The following TLK2 variants were observed in gnomAD, a reference collection of about 807,000 sequenced individuals.
TLK2 encodes the protein tousled like kinase 2.
Under a neutral mutation model 117.3 loss-of-function variants are expected in TLK2, and 6 were observed. The ratio of observed to expected loss-of-function variants is 0.05; its 90% CI spans 0.03 to 0.10. The LOEUF (loss-of-function observed/expected upper bound fraction) is 0.10, where lower values mean the gene tolerates loss of function less well. TLK2 is among the 10% of genes least tolerant of loss of function. The pLI is 1.00. For missense variants in TLK2, 299 were observed against 901.2 expected (o/e 0.33, Z 8.56); for synonymous variants, 257 against 316.7 (o/e 0.81, Z 2.00).
chr17:62,475,429 G>A (rs373875405), upstream of TLK2, among the ~76,000 whole-genome samples: 1 of 152,018 alleles, frequency 6.6e-6, no homozygotes, highest in Non-Finnish European at 1.5e-5. Context: ...TGCAACCTTC[G>A]ACTCCCAGGT....
chr17:62,503,052 C>CTTTTTT (rs535547546), intron 2 of TLK2, among the ~76,000 whole-genome samples: 10 of 87,156 alleles, frequency 1.1e-4, no homozygotes, highest in African/African-American at 1.8e-4. Flanking sequence ...TTTGGCTTAA[C>CTTTTTT]TTTTTTTTTT....
rs544598138 is a variant in TLK2 at position 62,612,436 on chromosome 17, T to C, written c.2124T>C (p.Ile708=). 5.0e-6 allele frequency: 8 copies of C among 1,614,186 alleles called. No homozygotes were observed. In the South Asian group the frequency reaches 8.8e-5, roughly 18 times the overall value. ...RCLAYRKEDR[I]DVQQLACDPY... ...TGGCCTACCGAAAGGAGGACCGCAT[T>C]GATGTCCAGCAGCTGGCCTGTGATC... The change falls in exon 22 of 22, where the codon ATT becomes ATC. Residue 708 remains isoleucine, a synonymous_variant. Transcript: ENST00000346027.
chr17:62,537,433 G>A (rs1213111888), intron 7 of TLK2, among the ~76,000 whole-genome samples: 4 of 152,206 alleles, frequency 2.6e-5, no homozygotes, highest in Admixed American at 1.3e-4. Flanking sequence ...GTGAGCTGAC[G>A]CCACTGTCTG....
At chr17:62,477,245 T>G (rs1598060218), upstream of TLK2, among the ~76,000 whole-genome samples, 1 of 152,196 alleles carries the variant, frequency 6.6e-6, no homozygotes, top group South Asian at 2.1e-4. Flanking sequence ...GAGGCTGGCC[T>G]CGAGTGGTAG....
chr17:62,535,909 A>C (rs2077081351), intron 6 of TLK2, among the ~76,000 whole-genome samples: 1 of 152,208 alleles, frequency 6.6e-6, no homozygotes, highest in African/African-American at 2.4e-5. Flanking sequence ...GAATTCTACA[A>C]AGTAACATGT....
At chr17:62,599,280 C>A (rs1296157754) in intron 17 of TLK2, among the ~76,000 whole-genome samples, 2 of 152,216 alleles carry the variant, frequency 1.3e-5, no homozygotes, top group African/African-American at 4.8e-5. Context: ...TCTTAAGATA[C>A]ATAAGATATT....
chr17:62,500,233 C>G (rs1463697345), intron 2 of TLK2, among the ~76,000 whole-genome samples: 1 of 151,566 alleles, frequency 6.6e-6, no homozygotes, highest in Non-Finnish European at 1.5e-5. Context: ...CCACACCTGG[C>G]TAATTGTATC....
At position 62,600,632 on chromosome 17, in the gene TLK2, T is replaced by C. The variant is rs2082809512; in HGVS notation, c.1551-19T>C. On this transcript the variant is annotated intron_variant, in intron 17 of 21. Coordinates refer to ENST00000346027, the MANE Select transcript of TLK2 (RefSeq NM_006852.6). ...CTTGCTCTTATTCCATGGTTAAATA[T>C]TGGTTTATTTGTCTTTAGGTTTTGT... 1 of 1,580,028 alleles carries C rather than the reference T, an allele frequency of 6.3e-7. No individual in the cohort carries two copies. Among genetic ancestry groups the C allele is most frequent in the Non-Finnish European group, 8.6e-7 (1 of 1,166,342 alleles).
intron 1 of TLK2, among the ~76,000 whole-genome samples, chr17:62,473,487 A>G (rs1425594075): frequency 4.6e-5 from 7 of 152,214 alleles, no homozygotes; most frequent in Admixed American, 4.6e-4. Context: ...GGGAGTTGAG[A>G]AAAGCTTCAG....
chr17:62,490,972 G>C (rs1342179244), intron 2 of TLK2, among the ~76,000 whole-genome samples: 1 of 152,196 alleles, frequency 6.6e-6, no homozygotes, highest in Admixed American at 6.5e-5. Context: ...CTGGGCTCAA[G>C]TGATTCTCCC....
upstream of TLK2, among the ~76,000 whole-genome samples, chr17:62,477,080 G>C (rs935502655): frequency 1.1e-4 from 16 of 151,786 alleles, no homozygotes; most frequent in African/African-American, 3.9e-4. Flanking sequence ...GACAGAGCGA[G>C]ACTCTGTCTC....
At chr17:62,531,494 C>T (rs1010800350) in intron 6 of TLK2, among the ~76,000 whole-genome samples, 9 of 152,290 alleles carry the variant, frequency 5.9e-5, no homozygotes, top group Non-Finnish European at 8.8e-5. Flanking sequence ...ATAATTCTAG[C>T]ATCTGAAGCT....
At chr17:62,561,060 G>C (rs1023596151) in intron 10 of TLK2, among the ~76,000 whole-genome samples, 7 of 152,082 alleles carry the variant, frequency 4.6e-5, no homozygotes, top group African/African-American at 1.7e-4. Context: ...TCCCACCTAT[G>C]AGTGAGAACA....
At chr17:62,471,888 CTTT>C (rs869092720) in intron 1 of TLK2, among the ~76,000 whole-genome samples, 16 of 37,776 alleles carry the variant, frequency 4.2e-4, no homozygotes, top group Non-Finnish European at 7.0e-4. Context: ...GTAGTATAGT[CTTT>C]TTTTTTTTTT....
In TLK2 at chr17:62,491,142, TA is replaced by T. The variant is rs542490474; in HGVS notation, c.81+9937del. 2.7e-3 allele frequency among the ~76,000 whole-genome samples: 411 copies of T among 152,336 alleles called. 1 individual carries two copies. The highest frequency in any genetic ancestry group is 9.2e-3 in the African/African-American group (381 of 41,576). On this transcript the variant is annotated intron_variant, in intron 2 of 21. Coordinates refer to ENST00000346027, the MANE Select transcript of TLK2 (RefSeq NM_006852.6). Reference sequence around the variant, plus strand: ...CAGTCAATAATATAAAACTAACACTTAGTGTGTGTGAACTCTTGTGTCACTA... The same window carrying T: ...CAGTCAATAATATAAAACTAACACTTGTGTGTGTGAACTCTTGTGTCACTA...
intron 9 of TLK2, among the ~76,000 whole-genome samples, chr17:62,559,551 T>A (rs1413008425): frequency 6.6e-6 from 1 of 151,982 alleles, no homozygotes; most frequent in African/African-American, 2.4e-5. Context: ...CTAATTTTTT[T>A]ATATTTAGTA....
chr17:62,476,617 C>G (rs192600956), upstream of TLK2, among the ~76,000 whole-genome samples: 64 of 123,604 alleles, frequency 5.2e-4, no homozygotes, highest in African/African-American at 1.7e-3. Context: ...ATAAAAAGAT[C>G]CTCTAGCCCA....
intron 6 of TLK2, among the ~76,000 whole-genome samples, chr17:62,527,713 T>C (rs1047049366): frequency 2.8e-4 from 42 of 152,096 alleles, no homozygotes; most frequent in African/African-American, 9.9e-4. Flanking sequence ...AATTTTGTAC[T>C]ATATAATTAG....
intron 2 of TLK2, among the ~76,000 whole-genome samples, chr17:62,491,142 TAGTG>T (rs2073073515): frequency 6.6e-6 from 1 of 152,218 alleles, no homozygotes; most frequent in African/African-American, 2.4e-5. Flanking sequence ...AACTAACACT[TAGTG>T]TGTGTGAACT....
Sources: gnomAD v4.1 joint callset for allele counts (sites outside exome capture counted in the v4.1 genomes callset) on GRCh38, gnomAD v4.1.1 for gene constraint, MANE v1.5 for transcripts, NCBI Gene and HGNC (gene_info 2026-07-23, HGNC 2026-07-21) for gene names.